Variants in MTPAP observed in about 807,000 individuals in gnomAD.
MTPAP encodes the protein poly(A) RNA polymerase, mitochondrial.
Under a neutral mutation model 48.7 loss-of-function variants are expected in MTPAP, and 23 were observed. The ratio of observed to expected loss-of-function variants is 0.47; its 90% confidence interval spans 0.34 to 0.67. The LOEUF (loss-of-function observed/expected upper bound fraction) is 0.67, where lower values mean the gene tolerates loss of function less well. Ranked by LOEUF, MTPAP falls within the 30% of genes least tolerant of loss-of-function variation. MTPAP has a pLI of 0.01. For synonymous variants in MTPAP, 257 were observed against 254.1 expected, an observed-to-expected ratio of 1.01 and a Z score of -0.11; for missense variants, 614 against 694.3, an observed-to-expected ratio of 0.88 and a Z score of 1.30.
At chr10:30,341,352 A>G (rs1456251861) in intron 2 of MTPAP, 116 bp downstream of exon 2, 9 of 1,293,128 alleles carry the variant, frequency 7.0e-6, no homozygotes, top group South Asian at 2.9e-5. Flanking sequence ...AAGATGCAGT[A>G]TATCAAAGAG....
chr10:30,311,268 T>A lies in MTPAP; in HGVS notation c.*2341A>T, dbSNP rs182811963. 1 of 152,294 alleles carries A rather than the reference T, an allele frequency of 6.6e-6. No homozygotes were observed. Among genetic ancestry groups the A allele is most frequent in the African/African-American group, 2.4e-5 (1 of 41,552 alleles). 9.4% of individuals were successfully genotyped at this position (152,294 alleles called of 1,614,324 possible). The stretch of plus-strand genomic sequence containing the variant: ...TACAGAACACTGATATTTGTTGGTG[T>A]CAAATGTGCAATCCAATAGCACAGA... On this transcript the variant is annotated 3_prime_UTR_variant, in exon 9 of 9. Transcript: ENST00000263063.
At chr10:30,328,681 A>G (rs1834627825) in intron 4 of MTPAP, among the ~76,000 whole-genome samples, 1 of 152,124 alleles carries the variant, frequency 6.6e-6, no homozygotes, top group Non-Finnish European at 1.5e-5. Context: ...TGATCTAAGC[A>G]CTGTAGGAGT....
At chr10:30,324,242 G>T (rs544198251) in intron 5 of MTPAP, among the ~76,000 whole-genome samples, 30 of 152,262 alleles carry the variant, frequency 2.0e-4, no homozygotes, top group Admixed American at 2.0e-3. Flanking sequence ...TATTGGCTGG[G>T]CACTGTGGCT....
intron 5 of MTPAP, among the ~76,000 whole-genome samples, chr10:30,324,635 A>AACCAAC (rs1318265194): frequency 2.0e-5 from 3 of 152,214 alleles, no homozygotes; most frequent in African/African-American, 7.2e-5. Context: ...TTTCTCCAAG[A>AACCAAC]ACCAACAGAT....
At chr10:30,335,364 C>A (rs1251408677) in intron 4 of MTPAP, among the ~76,000 whole-genome samples, 1 of 151,930 alleles carries the variant, frequency 6.6e-6, no homozygotes, top group Non-Finnish European at 1.5e-5. Context: ...CCCCTGCCTG[C>A]AGTCCCAGCT....
At chr10:30,341,136 T>C (rs1834800594) in intron 2 of MTPAP, among the ~76,000 whole-genome samples, 1 of 151,766 alleles carries the variant, frequency 6.6e-6, no homozygotes, top group Admixed American at 6.6e-5. Flanking sequence ...CACCCGAGCC[T>C]AGGAGTCGAG....
chr10:30,349,022 G>C (rs542123398), intron 1 of MTPAP, 97 bp downstream of exon 1: 9 of 1,569,446 alleles, frequency 5.7e-6, no homozygotes, highest in Non-Finnish European at 7.9e-6. Flanking sequence ...TCTTGCCAAA[G>C]GGTCCACAGC....
chr10:30,343,047 T>A (rs1834829709), intron 1 of MTPAP, among the ~76,000 whole-genome samples: 1 of 152,312 alleles, frequency 6.6e-6, no homozygotes, highest in South Asian at 2.1e-4. Flanking sequence ...TAACAACTAA[T>A]TTTTTTCCCC....
At position 30,342,105 on chromosome 10, in the gene MTPAP, G is replaced by A. The variant is rs149454379; in HGVS notation, c.158-465C>T. 5.8e-3 allele frequency among the ~76,000 whole-genome samples: 880 copies of A among 152,084 alleles called. 5 individuals are homozygous for A. The highest frequency in any genetic ancestry group is 0.02 in the African/African-American group (823 of 41,476). ...ACAAAAATTAGCCAGGCATGGTGGC[G>A]CGCGCCTGTAGTCCCAGCTACTTGG... On this transcript the variant is annotated intron_variant, in intron 1 of 8. Coordinates refer to ENST00000263063, the MANE Select transcript of MTPAP (RefSeq NM_018109.4).
At chr10:30,341,047 TAA>T (rs1834799101) in intron 2 of MTPAP, among the ~76,000 whole-genome samples, 2 of 152,052 alleles carry the variant, frequency 1.3e-5, no homozygotes, top group African/African-American at 4.8e-5. Context: ...ATCCGCAAGT[TAA>T]AGAGACTATC....
chr10:30,321,751 G>A (rs944783963), intron 6 of MTPAP, among the ~76,000 whole-genome samples: 1 of 152,200 alleles, frequency 6.6e-6, no homozygotes, highest in Non-Finnish European at 1.5e-5. Context: ...GTAGAAGACA[G>A]TATGCATTTG....
At chr10:30,330,342 G>A (rs966725251) in intron 4 of MTPAP, among the ~76,000 whole-genome samples, 4 of 152,078 alleles carry the variant, frequency 2.6e-5, no homozygotes, top group Admixed American at 1.3e-4. Context: ...TTAGGAATAG[G>A]AATCCAAACA....
chr10:30,347,137 T>C (rs2480293), intron 1 of MTPAP, among the ~76,000 whole-genome samples: 145,746 of 152,308 alleles, frequency 0.96, 70,037 homozygotes, highest in Non-Finnish European at 1. Context: ...TAATACACCA[T>C]GTACTCTTAT....
intron 2 of MTPAP, among the ~76,000 whole-genome samples, chr10:30,340,962 A>G (rs1406332584): frequency 6.6e-6 from 1 of 152,162 alleles, no homozygotes; most frequent in Non-Finnish European, 1.5e-5. Flanking sequence ...AGTTAAGAGA[A>G]GCTGAAAAGA....
At chr10:30,317,163 T>C (rs1242897112) in intron 6 of MTPAP, among the ~76,000 whole-genome samples, 1 of 152,236 alleles carries the variant, frequency 6.6e-6, no homozygotes, top group Non-Finnish European at 1.5e-5. Flanking sequence ...TTTAGCATAC[T>C]AGAATTATTG....
chr10:30,318,471 T>C (rs790765), intron 6 of MTPAP, among the ~76,000 whole-genome samples: 119,048 of 152,174 alleles, frequency 0.78, 46,959 homozygotes, highest in African/African-American at 0.88. Context: ...TTTTTTGTGA[T>C]GCAGTGTCAG....
intron 6 of MTPAP, among the ~76,000 whole-genome samples, chr10:30,317,378 A>G (rs1840675275): frequency 6.6e-6 from 1 of 152,246 alleles, no homozygotes; most frequent in African/African-American, 2.4e-5. Context: ...AGCTTCAGGT[A>G]ATTTCTAAAA....
At chr10:30,334,370 T>C (rs1477692672) in intron 4 of MTPAP, among the ~76,000 whole-genome samples, 1 of 152,042 alleles carries the variant, frequency 6.6e-6, no homozygotes. Context: ...AATTAAACAA[T>C]GTGGTTGGGG....
rs775572823 is a variant in MTPAP, at chr10:30,336,928, C to T, written c.655G>A (p.Ala219Thr). 7.0e-5 allele frequency: 113 copies of T among 1,613,232 alleles called. No individual in the cohort carries two copies. Among genetic ancestry groups the T allele is most frequent in the Non-Finnish European group, 9.4e-5 (111 of 1,179,882 alleles). ...ACTATGCAGTCTGGAAAATACGCGG[C>T]GGCCATGTCTTCAATAAGAGAACAG... ...LTCSLIEDMA[A>T]AYFPDCIVRP... Residue 219 changes from alanine (A) to threonine (T), a missense_variant, in exon 4 of 9, where the codon GCC becomes ACC. This residue lies in a region of MTPAP where 261 missense variants were observed against 355.4 expected (regional missense o/e 0.73). Coordinates refer to ENST00000263063, the MANE Select transcript of MTPAP (RefSeq NM_018109.4).
Sources: allele counts gnomAD v4.1 joint callset (sites outside exome capture counted in the v4.1 genomes callset), GRCh38; gene constraint gnomAD v4.1.1; regional missense constraint gnomAD v4.1.1; transcripts MANE v1.5; gene names NCBI Gene and HGNC (gene_info 2026-07-23, HGNC 2026-07-21).